MMP16: variants seen among roughly 807,000 people sequenced by gnomAD.
MMP16 encodes the protein matrix metallopeptidase 16, also known as matrix metalloproteinase-16.
A neutral mutation model predicts 67.8 loss-of-function variants in MMP16; 12 were observed. The observed-to-expected ratio is 0.18, with a 90% CI of 0.11 to 0.29. The LOEUF is 0.29. Among genes scored for constraint, MMP16 ranks in the 10% least tolerant of loss-of-function variants. The pLI is 1.00. For missense variants in MMP16, 475 were observed against 765.7 expected, an observed-to-expected ratio of 0.62 and a Z score of 4.48; for synonymous variants, 249 against 255.9, an observed-to-expected ratio of 0.97 and a Z score of 0.26.
intron 1 of MMP16, among the ~76,000 whole-genome samples, chr8:88,204,404 A>T (rs1416587375): frequency 7.9e-5 from 12 of 152,134 alleles, no homozygotes; most frequent in Admixed American, 7.9e-4. Flanking sequence ...TAAGATAAAG[A>T]TTATAAATAA....
chr8:88,119,463 T>C (rs898466462), intron 4 of MMP16, among the ~76,000 whole-genome samples: 12 of 152,068 alleles, frequency 7.9e-5, no homozygotes, highest in African/African-American at 2.7e-4. Flanking sequence ...ACTAGAATTA[T>C]AGTCCTAGCT....
chr8:88,282,160 C>T (rs1170713212), intron 1 of MMP16, among the ~76,000 whole-genome samples: 8 of 151,310 alleles, frequency 5.3e-5, no homozygotes, highest in Non-Finnish European at 1.0e-4. Context: ...CTGCTACCTC[C>T]GCCTCCCGGA....
intron 1 of MMP16, among the ~76,000 whole-genome samples, chr8:88,253,712 G>T (rs1178079535): frequency 1.3e-5 from 2 of 151,740 alleles, no homozygotes; most frequent in African/African-American, 2.4e-5. Context: ...TATATAAAAA[G>T]AAAAACCTGA....
intron 1 of MMP16, among the ~76,000 whole-genome samples, chr8:88,239,066 C>T (rs998944913): frequency 3.9e-5 from 6 of 151,998 alleles, no homozygotes; most frequent in African/African-American, 1.4e-4. Context: ...CCTCCTTGTC[C>T]ACCTTCATCC....
intron 1 of MMP16, among the ~76,000 whole-genome samples, chr8:88,307,496 AGGCT>A: frequency 6.6e-6 from 1 of 152,236 alleles, no homozygotes; most frequent in South Asian, 2.1e-4. Context: ...AATTCTTGTC[AGGCT>A]GGTCATGCTA....
intron 1 of MMP16, among the ~76,000 whole-genome samples, chr8:88,231,423 G>T (rs2129873790): frequency 6.6e-6 from 1 of 152,142 alleles, no homozygotes; most frequent in East Asian, 1.9e-4. Flanking sequence ...AAATTATTTG[G>T]TTTCTCTTTC....
chr8:88,144,696 C>T (rs547782871), intron 4 of MMP16, among the ~76,000 whole-genome samples: 5 of 151,770 alleles, frequency 3.3e-5, no homozygotes, highest in Non-Finnish European at 7.4e-5. Flanking sequence ...CAATACTATA[C>T]TATATGAAAC....
chr8:88,231,683 A>T (rs1347582641), intron 1 of MMP16, among the ~76,000 whole-genome samples: 1 of 152,226 alleles, frequency 6.6e-6, no homozygotes, highest in African/African-American at 2.4e-5. Context: ...CAACCTAAGT[A>T]ACACCTGTGA....
chr8:88,249,634 C>G (rs1810174319), intron 1 of MMP16, among the ~76,000 whole-genome samples: 2 of 152,078 alleles, frequency 1.3e-5, no homozygotes, highest in African/African-American at 2.4e-5. Context: ...ATGCCCTTCA[C>G]CTGGCTAGAC....
intron 4 of MMP16, among the ~76,000 whole-genome samples, chr8:88,123,513 G>A (rs1807876228): frequency 6.6e-6 from 1 of 151,680 alleles, no homozygotes; most frequent in African/African-American, 2.4e-5. Flanking sequence ...TCAGGAAAAC[G>A]TGGTTCCTGC....
At chr8:88,265,223 C>CTTTTTTCT (rs536439216) in intron 1 of MMP16, among the ~76,000 whole-genome samples, 19 of 100,760 alleles carry the variant, frequency 1.9e-4, no homozygotes, top group African/African-American at 4.0e-4. Context: ...TGACCATTTC[C>CTTTTTTCT]TTTTTTTTTT....
chr8:88,221,501 T>G (rs1307241856), intron 1 of MMP16, among the ~76,000 whole-genome samples: 1 of 152,002 alleles, frequency 6.6e-6, no homozygotes, highest in African/African-American at 2.4e-5. Context: ...AGCCATGCAG[T>G]AACTGCACAA....
chr8:88,106,053 A>ATATATAT (rs1397108875), intron 6 of MMP16, among the ~76,000 whole-genome samples: 4 of 5,008 alleles, frequency 8.0e-4, no homozygotes, highest in African/African-American at 1.4e-3. Flanking sequence ...CACGTTATGT[A>ATATATAT]TATATATATA....
intron 1 of MMP16, among the ~76,000 whole-genome samples, chr8:88,317,572 C>T (rs1811392960): frequency 1.3e-5 from 2 of 152,064 alleles, no homozygotes; most frequent in Admixed American, 1.3e-4. Flanking sequence ...CTCTTTATTG[C>T]AGTGAGAAAA....
rs1809434420 is a variant in MMP16 at position 88,116,373 on chromosome 8, T to A, written c.1083+134A>T. The A allele has an allele frequency of 4.0e-6, 3 of 757,826 alleles. No individual in the cohort carries two copies. In the East Asian group the frequency reaches 8.1e-5, roughly 21 times the overall value. 46.9% of individuals were successfully genotyped at this position (757,826 alleles called of 1,614,324 possible). On this transcript the variant is annotated intron_variant, in intron 6 of 9. Transcript: ENST00000286614. Reference sequence around the variant, plus strand: ...TAAGCCCATTTGTGCATTTATTTTTTAAAATGCTTTTTTTGAACTTTCTAA... The same window carrying A: ...TAAGCCCATTTGTGCATTTATTTTTAAAAATGCTTTTTTTGAACTTTCTAA...
At chr8:88,114,734 A>G (rs1353132817) in intron 6 of MMP16, among the ~76,000 whole-genome samples, 1 of 152,010 alleles carries the variant, frequency 6.6e-6, no homozygotes, top group Non-Finnish European at 1.5e-5. Flanking sequence ...CAAAATGAAA[A>G]TTGGGCAGAT....
intron 4 of MMP16, among the ~76,000 whole-genome samples, chr8:88,151,276 A>AC (rs1226916004): frequency 5.4e-4 from 79 of 146,126 alleles, no homozygotes; most frequent in African/African-American, 1.8e-3. Context: ...AGACTTTAAC[A>AC]CCCCACTGTC....
intron 1 of MMP16, among the ~76,000 whole-genome samples, chr8:88,315,823 A>G (rs1811367970): frequency 6.6e-6 from 1 of 152,222 alleles, no homozygotes; most frequent in Admixed American, 6.5e-5. Context: ...AAGCATGTTG[A>G]AAGCCAAGAT....
At chr8:88,176,534 C>T (rs994045410) in intron 3 of MMP16, among the ~76,000 whole-genome samples, 3 of 152,180 alleles carry the variant, frequency 2.0e-5, no homozygotes, top group Non-Finnish European at 4.4e-5. Flanking sequence ...ACGTTTACAG[C>T]TCTGTAGCTG....
Sources: allele counts gnomAD v4.1 joint callset (sites outside exome capture counted in the v4.1 genomes callset), GRCh38; gene constraint gnomAD v4.1.1; transcripts MANE v1.5; gene names NCBI Gene and HGNC (gene_info 2026-07-23, HGNC 2026-07-21).